The following CCDC30 variants were observed in gnomAD, a reference collection of about 807,000 sequenced individuals.
CCDC30 encodes the protein coiled-coil domain-containing protein 30.
A neutral mutation model predicts 100.2 loss-of-function variants in CCDC30; 70 were observed. That is an observed-to-expected ratio of 0.70 (90% CI 0.58 to 0.85). The LOEUF is 0.85. CCDC30 is among the 40% of genes least tolerant of loss of function. CCDC30 has a pLI of 0.00. For synonymous variants in CCDC30, 233 were observed against 269.5 expected (o/e 0.86, Z 1.33); for missense variants, 652 against 771.2 (o/e 0.85, Z 1.83).
intron 9 of CCDC30, among the ~76,000 whole-genome samples, chr1:42,588,197 G>T (rs1646115191): frequency 2.0e-5 from 3 of 152,088 alleles, no homozygotes; most frequent in South Asian, 4.1e-4. Context: ...GACTGGGAGG[G>T]TACATTTCTA....
chr1:42,457,091 A>T, the CCDC30 span: 1 of 1,580,874 alleles, frequency 6.3e-7, no homozygotes, highest in Non-Finnish European at 8.6e-7. Context: ...CCCTAGGAGT[A>T]CCCCTTTTGC....
upstream of CCDC30, chr1:42,459,370 C>T: frequency 3.9e-6 from 2 of 512,596 alleles, 1 homozygote. Context: ...TGCCATGTTG[C>T]CCAGGCTGGT....
chr1:42,588,187 GACTGGGAGGGT>G (rs1646115060), intron 9 of CCDC30, among the ~76,000 whole-genome samples: 2 of 152,266 alleles, frequency 1.3e-5, no homozygotes, highest in East Asian at 3.9e-4. Flanking sequence ...CAAGTTTTAA[GACTGGGAGGGT>G]ACATTTCTAC....
intron 6 of CCDC30, among the ~76,000 whole-genome samples, chr1:42,556,686 G>A (rs1317078097): frequency 6.6e-6 from 1 of 152,092 alleles, no homozygotes; most frequent in African/African-American, 2.4e-5. Flanking sequence ...ACATTTGTGA[G>A]CAATATTATA....
chr1:42,492,774 G>A (rs1644166011), intron 4 of CCDC30, among the ~76,000 whole-genome samples: 1 of 151,982 alleles, frequency 6.6e-6, no homozygotes, highest in Admixed American at 6.6e-5. Flanking sequence ...AGCCTCCCGA[G>A]TAGCTGGAAT....
chr1:42,590,147 G>A (rs1455105588), intron 10 of CCDC30: 1 of 152,202 alleles, frequency 6.6e-6, no homozygotes, highest in African/African-American at 2.4e-5. Context: ...ATCACCGTGT[G>A]ACATGTCTGC....
At chr1:42,465,509 C>T (rs534925021) in intron 1 of CCDC30, among the ~76,000 whole-genome samples, 89 of 152,242 alleles carry the variant, frequency 5.8e-4, no homozygotes, top group African/African-American at 2.0e-3. Context: ...GGATTATAGG[C>T]ATGTGCCACC....
intron 6 of CCDC30, 149 bp downstream of exon 10, chr1:42,556,554 A>C: frequency 4.7e-6 from 4 of 844,616 alleles, no homozygotes. Context: ...GGAGTACATG[A>C]GATGTTTTAA....
chr1:42,602,215 G>GA (rs370030130), intron 10 of CCDC30, among the ~76,000 whole-genome samples: 5,961 of 147,850 alleles, frequency 0.04, 368 homozygotes, highest in African/African-American at 0.13. Context: ...AAAGTAAGCT[G>GA]AAAAAAAAAG....
At chr1:42,464,974 A>G (rs1350450552) in intron 1 of CCDC30, among the ~76,000 whole-genome samples, 1 of 152,334 alleles carries the variant, frequency 6.6e-6, no homozygotes, top group East Asian at 1.9e-4. Context: ...AGCCTTTTCA[A>G]TCTTGCACAT....
intron 10 of CCDC30, chr1:42,590,779 G>T (rs1405523749): frequency 6.6e-6 from 1 of 152,102 alleles, no homozygotes; most frequent in Non-Finnish European, 1.5e-5. Context: ...TTAGAGACTG[G>T]TTAAATTGTT....
chr1:42,562,909 A>G (rs1645523517), intron 6 of CCDC30, among the ~76,000 whole-genome samples: 1 of 152,198 alleles, frequency 6.6e-6, no homozygotes. Context: ...ATGAGATACC[A>G]TCTCATGCCA....
intron 9 of CCDC30, among the ~76,000 whole-genome samples, chr1:42,588,416 A>C (rs1646119732): frequency 6.6e-6 from 1 of 152,188 alleles, no homozygotes; most frequent in Middle Eastern, 3.2e-3. Context: ...GGGGAAAATC[A>C]AGTGTGATGA....
At chr1:42,528,523 G>T (rs1292074787) in intron 6 of CCDC30, among the ~76,000 whole-genome samples, 1 of 152,218 alleles carries the variant, frequency 6.6e-6, no homozygotes, top group Non-Finnish European at 1.5e-5. Context: ...TCTGTTAAAT[G>T]AGAGGGAGAA....
intron 11 of CCDC30, among the ~76,000 whole-genome samples, chr1:42,633,545 A>G (rs899349827): frequency 6.6e-6 from 1 of 152,176 alleles, no homozygotes; most frequent in Non-Finnish European, 1.5e-5. Flanking sequence ...CAAGGACTTA[A>G]GAGGTTTTTT....
chr1:42,571,751 T>A (rs1360961657), intron 7 of CCDC30, among the ~76,000 whole-genome samples: 2 of 152,258 alleles, frequency 1.3e-5, no homozygotes, highest in Non-Finnish European at 2.9e-5. Context: ...TGACCATTTT[T>A]ATGTGTCCAC....
chr1:42,521,305 T>A (rs1352861414), intron 6 of CCDC30: 1 of 154,682 alleles, frequency 6.5e-6, no homozygotes, highest in Non-Finnish European at 1.5e-5. Context: ...CTTTGTGACT[T>A]ATTTTTTGAT....
At chr1:42,576,106 C>T (rs1645831177) in intron 7 of CCDC30, among the ~76,000 whole-genome samples, 1 of 152,190 alleles carries the variant, frequency 6.6e-6, no homozygotes, top group Non-Finnish European at 1.5e-5. Flanking sequence ...AGATTCTAAG[C>T]AGGGGTGTCA....
intron 15 of CCDC30, among the ~76,000 whole-genome samples, chr1:42,647,072 C>T (rs2148692878): frequency 6.6e-6 from 1 of 152,118 alleles, no homozygotes; most frequent in East Asian, 1.9e-4. Context: ...TGCACTCCAG[C>T]CTGGGTGACA....
Sources: allele counts gnomAD v4.1 joint callset (sites outside exome capture counted in the v4.1 genomes callset), GRCh38; gene constraint gnomAD v4.1.1; transcripts MANE v1.5; gene names NCBI Gene and HGNC (gene_info 2026-07-23, HGNC 2026-07-21).